KAZN: variants seen among roughly 807,000 people sequenced by gnomAD.
KAZN encodes kazrin, periplakin interacting protein.
A neutral mutation model predicts 87.4 loss-of-function variants in KAZN; 40 were observed. The observed-to-expected ratio is 0.46, with a 90% CI of 0.36 to 0.60. The LOEUF is 0.60. Among genes scored for constraint, KAZN ranks in the 20% least tolerant of loss-of-function variants. The pLI is 0.00. For synonymous variants in KAZN, 466 were observed against 458.3 expected, an observed-to-expected ratio of 1.02 and a Z score of -0.22; for missense variants, 898 against 1,073.9, an observed-to-expected ratio of 0.84 and a Z score of 2.29.
chr1:14,421,243 C>A (rs1002608269), intron 2 of KAZN, among the ~76,000 whole-genome samples: 1 of 152,136 alleles, frequency 6.6e-6, no homozygotes, highest in Non-Finnish European at 1.5e-5. Flanking sequence ...TAAAATATTC[C>A]TTGGAGTGAT....
intron 8 of KAZN, among the ~76,000 whole-genome samples, chr1:15,071,594 T>A (rs1269104379): frequency 6.6e-6 from 1 of 152,212 alleles, no homozygotes; most frequent in African/African-American, 2.4e-5. Flanking sequence ...AATTGGATGA[T>A]GTCTCAAAGT....
At chr1:14,643,374 A>G (rs931853500) in intron 1 of KAZN, among the ~76,000 whole-genome samples, 21 of 151,910 alleles carry the variant, frequency 1.4e-4, no homozygotes, top group African/African-American at 3.6e-4. Context: ...CTTTGTGTCT[A>G]TGTGTTCTTA....
intron 2 of KAZN, among the ~76,000 whole-genome samples, chr1:14,363,338 G>A (rs904240477): frequency 2.6e-5 from 4 of 152,182 alleles, no homozygotes; most frequent in Admixed American, 1.3e-4. Flanking sequence ...TAAGGGCCTA[G>A]TAGGTGCAGC....
chr1:14,587,866 A>G (rs1240204791), intron 2 of KAZN, among the ~76,000 whole-genome samples: 2 of 152,174 alleles, frequency 1.3e-5, no homozygotes, highest in African/African-American at 2.4e-5. Flanking sequence ...AGAAAAAAAG[A>G]TGACTGTTCC....
chr1:14,603,522 C>T (rs1677135615), intron 1 of KAZN, among the ~76,000 whole-genome samples: 1 of 152,188 alleles, frequency 6.6e-6, no homozygotes. Flanking sequence ...TACTATCTTT[C>T]CATTGTCTTT....
upstream of KAZN, among the ~76,000 whole-genome samples, chr1:14,594,690 A>C (rs1396833195): frequency 1.3e-5 from 2 of 152,218 alleles, no homozygotes; most frequent in Admixed American, 6.5e-5. Flanking sequence ...ATAGCTGTGA[A>C]TCCCATGGAG....
At chr1:14,478,232 G>GGAAGGAAGGAAGGAAAA (rs1211145978) in intron 2 of KAZN, among the ~76,000 whole-genome samples, 1 of 145,442 alleles carries the variant, frequency 6.9e-6, no homozygotes, top group Non-Finnish European at 1.5e-5. Flanking sequence ...ATAGAAGGAA[G>GGAAGGAAGGAAGGAAAA]GAAGGAAGGA....
intron 2 of KAZN, among the ~76,000 whole-genome samples, chr1:14,967,098 A>G (rs954646671): frequency 2.6e-5 from 4 of 152,190 alleles, no homozygotes; most frequent in Admixed American, 2.6e-4. Flanking sequence ...GGTCACGGTG[A>G]ACTCGAGGGT....
chr1:14,736,687 G>T (rs185226293), intron 1 of KAZN, among the ~76,000 whole-genome samples: 9 of 152,142 alleles, frequency 5.9e-5, no homozygotes, highest in African/African-American at 2.2e-4. Context: ...AAGAAACACT[G>T]GCTAAGACAG....
At chr1:14,417,564 C>T (rs1053578930) in intron 2 of KAZN, among the ~76,000 whole-genome samples, 2 of 152,090 alleles carry the variant, frequency 1.3e-5, no homozygotes, top group Non-Finnish European at 2.9e-5. Flanking sequence ...GGATATTGGC[C>T]CCTCCTGGCT....
At chr1:14,148,490 G>A (rs541505424) in intron 1 of KAZN, among the ~76,000 whole-genome samples, 1 of 152,044 alleles carries the variant, frequency 6.6e-6, no homozygotes, top group East Asian at 1.9e-4. Flanking sequence ...CTTATTCTCT[G>A]ACTGTTCCAT....
chr1:14,490,915 A>C (rs1021591043), intron 2 of KAZN, among the ~76,000 whole-genome samples: 9 of 152,236 alleles, frequency 5.9e-5, no homozygotes, highest in African/African-American at 2.2e-4. Context: ...AAACTTTAGA[A>C]TCATTTGGTC....
At chr1:14,680,605 C>G (rs969480904) in intron 1 of KAZN, among the ~76,000 whole-genome samples, 5 of 152,138 alleles carry the variant, frequency 3.3e-5, no homozygotes, top group African/African-American at 1.2e-4. Flanking sequence ...AATGCTGTCC[C>G]TCCCCTTGCC....
intron 2 of KAZN, among the ~76,000 whole-genome samples, chr1:14,570,755 C>T (rs1167466636): frequency 2.6e-5 from 4 of 152,164 alleles, no homozygotes; most frequent in African/African-American, 4.8e-5. Context: ...CTCATAGAAT[C>T]GCTGAGTCAT....
chr1:14,132,626 C>T (rs564335397), intron 1 of KAZN, among the ~76,000 whole-genome samples: 9 of 152,292 alleles, frequency 5.9e-5, no homozygotes, highest in Non-Finnish European at 1.2e-4. Context: ...TGCTGGAGAG[C>T]AAAATCAACA....
chr1:14,657,311 G>A (rs1320243980), intron 1 of KAZN, among the ~76,000 whole-genome samples: 2 of 152,108 alleles, frequency 1.3e-5, no homozygotes, highest in Non-Finnish European at 2.9e-5. Flanking sequence ...TCGAACTCCC[G>A]ACCTCAGGTG....
chr1:14,407,429 TGTG>T (rs1449366908), intron 2 of KAZN, among the ~76,000 whole-genome samples: 1 of 152,164 alleles, frequency 6.6e-6, no homozygotes, highest in African/African-American at 2.4e-5. Flanking sequence ...AAAAGAATCT[TGTG>T]GTGGTAAATG....
intron 1 of KAZN, among the ~76,000 whole-genome samples, chr1:14,658,718 C>T (rs909054581): frequency 1.3e-5 from 2 of 152,128 alleles, no homozygotes; most frequent in Non-Finnish European, 2.9e-5. Flanking sequence ...CTCACTTAGG[C>T]TAGTGTCCAC....
At chr1:15,074,243 T>C (rs1266657315) in intron 8 of KAZN, among the ~76,000 whole-genome samples, 2 of 152,224 alleles carry the variant, frequency 1.3e-5, no homozygotes, top group Non-Finnish European at 2.9e-5. Context: ...GGAGGGTCCC[T>C]CCCTGCCATC....
Sources: allele counts gnomAD v4.1 joint callset (sites outside exome capture counted in the v4.1 genomes callset), GRCh38; gene constraint gnomAD v4.1.1; transcripts MANE v1.5; gene names NCBI Gene and HGNC (gene_info 2026-07-23, HGNC 2026-07-21).